Variants in TENM3 observed in about 807,000 individuals in gnomAD.
TENM3 encodes teneurin-3.
Under a neutral mutation model 255.1 loss-of-function variants are expected in TENM3, and 63 were observed. The ratio of observed to expected loss-of-function variants is 0.25; its 90% confidence interval spans 0.20 to 0.30. The LOEUF (loss-of-function observed/expected upper bound fraction) is 0.30, where lower values mean the gene tolerates loss of function less well. Among genes scored for constraint, TENM3 ranks in the 10% least tolerant of loss-of-function variants. The pLI, the probability that TENM3 is intolerant of heterozygous loss-of-function variation, is 1.00. For synonymous variants in TENM3, 1,306 were observed against 1,322.3 expected, an observed-to-expected ratio of 0.99 and a Z score of 0.27; for missense variants, 2,929 against 3,461.1, an observed-to-expected ratio of 0.85 and a Z score of 3.86.
chr4:181,824,533 C>T, the TENM3 span, among the ~76,000 whole-genome samples: 2 of 152,080 alleles, frequency 1.3e-5, no homozygotes, highest in African/African-American at 4.8e-5. Context: ...CAACTGTCCA[C>T]GTCTAAAACC....
intron 1 of TENM3, among the ~76,000 whole-genome samples, chr4:182,178,315 T>A (rs1400343714): frequency 1.3e-5 from 2 of 152,138 alleles, no homozygotes; most frequent in African/African-American, 4.8e-5. Flanking sequence ...AAAAATTATG[T>A]AGCCCAGGGA....
the TENM3 span, among the ~76,000 whole-genome samples, chr4:181,493,572 C>T: frequency 6.6e-6 from 1 of 151,690 alleles, no homozygotes; most frequent in Non-Finnish European, 1.5e-5. Flanking sequence ...TAGTAAAAAA[C>T]AAACAATAAC....
chr4:182,514,080 T>G (rs1737689936), intron 3 of TENM3, among the ~76,000 whole-genome samples: 1 of 152,238 alleles, frequency 6.6e-6, no homozygotes, highest in Non-Finnish European at 1.5e-5. Flanking sequence ...TGGGGCGGCA[T>G]GCCCCCTCCT....
chr4:182,397,386 C>A (rs528893339), intron 3 of TENM3, among the ~76,000 whole-genome samples: 1 of 106,056 alleles, frequency 9.4e-6, no homozygotes, highest in Admixed American at 1.5e-4. Flanking sequence ...GGTGACAGAG[C>A]GAGACTCCAT....
the TENM3 span, among the ~76,000 whole-genome samples, chr4:181,525,380 G>A: frequency 8.5e-6 from 1 of 117,792 alleles, no homozygotes; most frequent in African/African-American, 3.1e-5. Context: ...CTGGGCGGTA[G>A]AGCAAGACCC....
chr4:181,744,955 T>G, the TENM3 span, among the ~76,000 whole-genome samples: 1 of 152,136 alleles, frequency 6.6e-6, no homozygotes, highest in African/African-American at 2.4e-5. Flanking sequence ...AGGTGAACAG[T>G]GTAATCTGTG....
At chr4:182,752,347 A>G (rs1762434423) in intron 20 of TENM3, among the ~76,000 whole-genome samples, 2 of 152,202 alleles carry the variant, frequency 1.3e-5, no homozygotes, top group Admixed American at 1.3e-4. Flanking sequence ...TTCAACTTCA[A>G]GGAAGTATCC....
At chr4:182,538,434 AAAG>A (rs1321002390) in intron 3 of TENM3, among the ~76,000 whole-genome samples, 1 of 152,188 alleles carries the variant, frequency 6.6e-6, no homozygotes, top group East Asian at 1.9e-4. Context: ...GGAAGGAGAG[AAAG>A]AAGAAAATAC....
chr4:182,505,938 C>T (rs773013498), intron 3 of TENM3, among the ~76,000 whole-genome samples: 6 of 152,162 alleles, frequency 3.9e-5, no homozygotes, highest in Non-Finnish European at 5.9e-5. Flanking sequence ...TTAATTTTCT[C>T]TAAGGAAAGG....
chr4:181,519,686 C>A, the TENM3 span, among the ~76,000 whole-genome samples: 14 of 152,140 alleles, frequency 9.2e-5, no homozygotes, highest in Non-Finnish European at 1.9e-4. Context: ...AGATCAATCA[C>A]GTTTTCACTT....
chr4:182,520,058 G>C (rs1285216739), intron 3 of TENM3, among the ~76,000 whole-genome samples: 8 of 152,000 alleles, frequency 5.3e-5, no homozygotes, highest in Non-Finnish European at 1.2e-4. Flanking sequence ...ATTATTAATA[G>C]GTATGTATAG....
At chr4:182,066,873 T>C in the TENM3 span, among the ~76,000 whole-genome samples, 15 of 152,284 alleles carry the variant, frequency 9.9e-5, no homozygotes, top group South Asian at 1.0e-3. Context: ...ATCGCACCGC[T>C]GCACTCCAGC....
chr4:182,412,741 T>A (rs1770081855), intron 3 of TENM3, among the ~76,000 whole-genome samples: 1 of 151,524 alleles, frequency 6.6e-6, no homozygotes, highest in African/African-American at 2.4e-5. Flanking sequence ...AGCACTCACC[T>A]GTAGTCGCAG....
At chr4:181,536,951 T>C in the TENM3 span, among the ~76,000 whole-genome samples, 1 of 152,202 alleles carries the variant, frequency 6.6e-6, no homozygotes, top group African/African-American at 2.4e-5. Flanking sequence ...CATAAAACCT[T>C]AATCAGAGCT....
the TENM3 span, among the ~76,000 whole-genome samples, chr4:182,005,926 G>A: frequency 5.3e-5 from 8 of 152,140 alleles, no homozygotes; most frequent in African/African-American, 1.4e-4. Context: ...TTTTGTATCC[G>A]GAGACTTTGC....
intron 15 of TENM3, 119 bp from the exon 16 acceptor site, chr4:182,730,759 A>C: frequency 1.9e-6 from 2 of 1,067,214 alleles, no homozygotes; most frequent in Non-Finnish European, 2.7e-6. Flanking sequence ...AAAATATTTC[A>C]TATAAAAGTT....
At chr4:182,226,811 C>T (rs1449177155) in intron 1 of TENM3, among the ~76,000 whole-genome samples, 1 of 152,160 alleles carries the variant, frequency 6.6e-6, no homozygotes, top group Non-Finnish European at 1.5e-5. Context: ...CATAAAGTGA[C>T]TTGCTCCAAG....
At chr4:182,484,150 G>A (rs1172521887) in intron 3 of TENM3, among the ~76,000 whole-genome samples, 1 of 152,144 alleles carries the variant, frequency 6.6e-6, no homozygotes, top group Non-Finnish European at 1.5e-5. Flanking sequence ...AACATCAAGT[G>A]CCAGGTACTG....
chr4:182,610,920 T>G lies in TENM3; in HGVS notation c.749+9759T>G, dbSNP rs561204556. Among the ~76,000 whole-genome samples the G allele has an allele frequency of 2.0e-5, 3 of 151,488 alleles. No homozygotes were observed. In the South Asian group the frequency reaches 6.3e-4, roughly 32 times the overall value. On this transcript the variant is annotated intron_variant, in intron 4 of 27. Coordinates refer to ENST00000511685, the MANE Select transcript of TENM3 (RefSeq NM_001080477.4). Reference sequence around the variant, plus strand: ...CACCATGCCCAGCTAATTTTTTTTTTTTTTTGGAGAGACAGGGTGTCTCAT... The same window carrying G: ...CACCATGCCCAGCTAATTTTTTTTTGTTTTTGGAGAGACAGGGTGTCTCAT...
Sources: allele counts gnomAD v4.1 joint callset (sites outside exome capture counted in the v4.1 genomes callset), GRCh38; gene constraint gnomAD v4.1.1; transcripts MANE v1.5; gene names NCBI Gene and HGNC (gene_info 2026-07-23, HGNC 2026-07-21).